The following ENOX2 variants were observed in gnomAD, a reference collection of about 807,000 sequenced individuals.
ENOX2 encodes the protein APK1 antigen.
In ENOX2, 36 loss-of-function variants were observed where a neutral mutation model predicts 45.0. That is an observed-to-expected ratio of 0.80 (90% CI 0.61 to 1.06). The LOEUF is 1.06. Among genes scored for constraint, ENOX2 ranks in the 50% least tolerant of loss-of-function variants. The pLI, the probability that ENOX2 is intolerant of heterozygous loss-of-function variation, is 0.00. For missense variants in ENOX2, 423 were observed against 462.5 expected (o/e 0.91, Z 0.78); for synonymous variants, 174 against 152.3 (o/e 1.14, Z -1.05).
At chrX:130,849,358 G>T (rs1256690754) in intron 2 of ENOX2, among the ~76,000 whole-genome samples, 1 of 111,947 alleles carries the variant, frequency 8.9e-6, no homozygotes, top group Non-Finnish European at 1.9e-5. Flanking sequence ...AGACAAGAAA[G>T]ATGTTTGAAG....
intron 2 of ENOX2, among the ~76,000 whole-genome samples, chrX:130,866,146 A>G (rs2078490247): frequency 9.0e-6 from 1 of 111,574 alleles, no homozygotes. Flanking sequence ...TCAGTCATCT[A>G]GTCTCAATAT....
intron 3 of ENOX2, among the ~76,000 whole-genome samples, chrX:130,742,649 T>G (rs1431161160): frequency 8.9e-6 from 1 of 111,886 alleles, no homozygotes; most frequent in Admixed American, 9.5e-5. Context: ...TTTAAGGCAC[T>G]ACTGTATATA....
At chrX:130,648,388 A>G (rs1399514895) in intron 10 of ENOX2, among the ~76,000 whole-genome samples, 3 of 109,670 alleles carry the variant, frequency 2.7e-5, no homozygotes, top group Non-Finnish European at 5.7e-5. Flanking sequence ...TGGTGAGCTG[A>G]GATGGCACCA....
At chrX:130,746,361 C>T (rs1349439027) in intron 3 of ENOX2, among the ~76,000 whole-genome samples, 4 of 111,808 alleles carry the variant, frequency 3.6e-5, no homozygotes, top group Non-Finnish European at 3.8e-5. Flanking sequence ...TGCTTCACTG[C>T]CAACACAAGA....
In ENOX2 at chrX:130,665,677, C is replaced by T; in HGVS notation, c.980G>A (p.Arg327Gln). The change falls in exon 9 of 15, where the codon CGG (arginine) becomes CAG (glutamine). Residue 327 changes from arginine to glutamine, a missense_variant. This residue lies in a region of ENOX2 where 261 missense variants were observed against 306.8 expected (regional missense o/e 0.85). Coordinates refer to ENST00000394363, the MANE Select transcript of ENOX2 (RefSeq NM_006375.4). ...TTTGCACCACACGCTGATGTTCTTC[C>T]GCTGGGCTTTTGTGAAGTGGTCCCA... ...KAWDHFTKAQRKNISVWCKQA... is the reference protein window; with the variant it reads ...KAWDHFTKAQQKNISVWCKQA... 1.7e-6 allele frequency: 2 copies of T among 1,206,087 alleles called. No individual in the cohort carries two copies. Among genetic ancestry groups the T allele is most frequent in the Non-Finnish European group, 2.2e-6 (2 of 892,525 alleles).
chrX:130,714,649 GA>G (rs747149276), intron 3 of ENOX2, among the ~76,000 whole-genome samples: 2 of 111,861 alleles, frequency 1.8e-5, no homozygotes, highest in East Asian at 5.6e-4. Flanking sequence ...GATACATTCT[GA>G]ATATTAATTT....
intron 4 of ENOX2, among the ~76,000 whole-genome samples, chrX:130,694,015 A>T (rs1288263620): frequency 1.8e-5 from 2 of 111,808 alleles, no homozygotes; most frequent in Non-Finnish European, 3.8e-5. Context: ...TGCCATGCAT[A>T]TGAGTGAAGT....
chrX:130,631,343 T>C (rs1008761315), intron 13 of ENOX2, 125 bp downstream of exon 13: 2 of 486,519 alleles, frequency 4.1e-6, no homozygotes, highest in Non-Finnish European at 7.3e-6. Flanking sequence ...TCTTCAGAAC[T>C]CTGAGTTCTT....
At chrX:130,673,191 C>T (rs990367625) in intron 6 of ENOX2, among the ~76,000 whole-genome samples, 1 of 111,167 alleles carries the variant, frequency 9.0e-6, no homozygotes. Context: ...GTCACATCTT[C>T]GGAGTTGGGG....
chrX:130,844,905 G>T (rs1373227786), intron 2 of ENOX2, among the ~76,000 whole-genome samples: 1 of 111,959 alleles, frequency 8.9e-6, no homozygotes, highest in Non-Finnish European at 1.9e-5. Flanking sequence ...TGGCATAAAA[G>T]ACCAATTCTC....
chrX:130,872,235 G>A (rs1463406171), intron 2 of ENOX2, among the ~76,000 whole-genome samples: 1 of 112,093 alleles, frequency 8.9e-6, no homozygotes, highest in Non-Finnish European at 1.9e-5. Flanking sequence ...ATTTTGTAAG[G>A]CAAAAGCACG....
chrX:130,809,522 C>T (rs1440730626), intron 2 of ENOX2, among the ~76,000 whole-genome samples: 4 of 111,320 alleles, frequency 3.6e-5, no homozygotes, highest in Non-Finnish European at 5.7e-5. Flanking sequence ...TTTTTTTATT[C>T]TCCCCAAAGT....
At chrX:130,694,927 T>C (rs1401573523) in intron 4 of ENOX2, among the ~76,000 whole-genome samples, 1 of 111,510 alleles carries the variant, frequency 9.0e-6, no homozygotes, top group Non-Finnish European at 1.9e-5. Context: ...CTTATGAATT[T>C]CCAGGTTTTA....
At chrX:130,643,963 A>C (rs750666753) in intron 10 of ENOX2, among the ~76,000 whole-genome samples, 1 of 112,148 alleles carries the variant, frequency 8.9e-6, no homozygotes, top group East Asian at 2.8e-4. Context: ...AAAAAGTAAA[A>C]GAAGAGAAAT....
At chrX:130,685,415 G>A (rs1293525108) in intron 5 of ENOX2, among the ~76,000 whole-genome samples, 1 of 112,047 alleles carries the variant, frequency 8.9e-6, no homozygotes. Flanking sequence ...GGATCACTCT[G>A]TCTGTTCTGT....
At chrX:130,877,196 G>A (rs781685846) in intron 2 of ENOX2, among the ~76,000 whole-genome samples, 19 of 111,356 alleles carry the variant, frequency 1.7e-4, no homozygotes, top group African/African-American at 4.9e-4. Flanking sequence ...ATTATTATAC[G>A]AAATAATAAA....
At chrX:130,804,742 C>A (rs1188582755) in intron 2 of ENOX2, among the ~76,000 whole-genome samples, 3 of 111,868 alleles carry the variant, frequency 2.7e-5, no homozygotes, top group African/African-American at 9.7e-5. Context: ...TTATCCAGAT[C>A]CAGATACATT....
chrX:130,626,337 C>T (rs1193776976), intron 14 of ENOX2, among the ~76,000 whole-genome samples: 5 of 111,801 alleles, frequency 4.5e-5, no homozygotes, highest in African/African-American at 1.6e-4. Flanking sequence ...GTTGAATCCC[C>T]ATTTCAGAAA....
intron 2 of ENOX2, among the ~76,000 whole-genome samples, chrX:130,801,180 C>G (rs1388881480): frequency 3.6e-5 from 4 of 112,394 alleles, no homozygotes; most frequent in African/African-American, 6.5e-5. Context: ...CGTGCTAGCA[C>G]ATTATTTCTA....
Sources: allele counts gnomAD v4.1 joint callset (sites outside exome capture counted in the v4.1 genomes callset), GRCh38; gene constraint gnomAD v4.1.1; regional missense constraint gnomAD v4.1.1; transcripts MANE v1.5; gene names NCBI Gene and HGNC (gene_info 2026-07-23, HGNC 2026-07-21).